Variants in CADM2 observed in about 807,000 individuals in gnomAD.
The protein encoded by CADM2 is cell adhesion molecule 2, also known as immunoglobulin superfamily member 4D.
Under a neutral mutation model 49.8 loss-of-function variants are expected in CADM2, and 12 were observed. The ratio of observed to expected loss-of-function variants is 0.24; its 90% CI spans 0.15 to 0.39. The LOEUF is 0.39. CADM2 is among the 10% of genes least tolerant of loss of function. The probability of loss-of-function intolerance (pLI) is 1.00; values close to 1 mark genes in which losing one functional copy is unlikely to be tolerated. For missense variants in CADM2, 378 were observed against 492.3 expected, an observed-to-expected ratio of 0.77 and a Z score of 2.20; for synonymous variants, 214 against 175.4, an observed-to-expected ratio of 1.22 and a Z score of -1.74.
chr3:85,465,688 G>A (rs905264961), intron 1 of CADM2, among the ~76,000 whole-genome samples: 1 of 152,066 alleles, frequency 6.6e-6, no homozygotes, highest in Non-Finnish European at 1.5e-5. Flanking sequence ...TATCTTTGTT[G>A]TTTTCTACTC....
intron 1 of CADM2, among the ~76,000 whole-genome samples, chr3:85,290,975 C>A (rs1371656096): frequency 6.6e-6 from 1 of 152,082 alleles, no homozygotes; most frequent in East Asian, 1.9e-4. Context: ...AGGCTTCAGA[C>A]GATCAAATTA....
intron 1 of CADM2, among the ~76,000 whole-genome samples, chr3:85,615,206 AAGAGAGAG>A (rs138179330): frequency 6.7e-6 from 1 of 149,672 alleles, no homozygotes; most frequent in African/African-American, 2.4e-5. Flanking sequence ...GTACTACAGA[AAGAGAGAG>A]AGAGAGAGAG....
intron 1 of CADM2, among the ~76,000 whole-genome samples, chr3:85,626,426 G>A (rs62263925): frequency 0.12 from 18,816 of 151,734 alleles, 1,308 homozygotes; most frequent in African/African-American, 0.18. Context: ...CACCCATGAA[G>A]GGTAATTATC....
intron 1 of CADM2, among the ~76,000 whole-genome samples, chr3:85,140,782 G>T (rs2039553254): frequency 1.3e-5 from 2 of 152,172 alleles, no homozygotes; most frequent in Admixed American, 6.5e-5. Flanking sequence ...AAAATGGCTG[G>T]TGCTTCTCAG....
intron 1 of CADM2, among the ~76,000 whole-genome samples, chr3:85,640,243 T>C (rs1559960239): frequency 6.6e-6 from 1 of 152,194 alleles, no homozygotes; most frequent in Non-Finnish European, 1.5e-5. Flanking sequence ...TCAAATCTCG[T>C]TTGTTAATCT....
chr3:85,675,444 A>T lies in CADM2; in HGVS notation c.62-51078A>T, dbSNP rs926270376. ...AATTTTTAAGGAGAAACTTAATGTT[A>T]AAAAAGATCATGAATCAAAGTACTG... On this transcript the variant is annotated intron_variant, in intron 1 of 9. Coordinates refer to ENST00000383699, the MANE Select transcript of CADM2 (RefSeq NM_001167675.2). 1.8e-4 allele frequency among the ~76,000 whole-genome samples: 27 copies of T among 152,186 alleles called. 1 individual carries two copies. Among genetic ancestry groups the T allele is most frequent in the Non-Finnish European group, 3.2e-4 (22 of 68,022 alleles).
intron 1 of CADM2, among the ~76,000 whole-genome samples, chr3:85,663,387 T>C (rs547719439): frequency 3.3e-4 from 50 of 152,092 alleles, no homozygotes; most frequent in Middle Eastern, 3.4e-3. Context: ...TAGATGACCA[T>C]GTTATTCTCT....
chr3:85,628,580 C>CACGTATATATACATATATAT (rs2064198242), intron 1 of CADM2, among the ~76,000 whole-genome samples: 1 of 142,682 alleles, frequency 7.0e-6, no homozygotes, highest in Non-Finnish European at 1.5e-5. Flanking sequence ...TATATACACA[C>CACGTATATATACATATATAT]ACATATATAT....
chr3:84,986,346 G>A (rs1436656153), intron 1 of CADM2, among the ~76,000 whole-genome samples: 1 of 152,094 alleles, frequency 6.6e-6, no homozygotes, highest in Non-Finnish European at 1.5e-5. Context: ...TTAATATATG[G>A]GGGTCATGTC....
At chr3:85,417,895 G>A (rs2035984380) in intron 1 of CADM2, among the ~76,000 whole-genome samples, 1 of 152,098 alleles carries the variant, frequency 6.6e-6, no homozygotes, top group Non-Finnish European at 1.5e-5. Flanking sequence ...GAAGGTCTAT[G>A]ATGGATCTGA....
At chr3:85,324,277 AC>A (rs1269516475) in intron 1 of CADM2, among the ~76,000 whole-genome samples, 1 of 152,312 alleles carries the variant, frequency 6.6e-6, no homozygotes, top group East Asian at 1.9e-4. Context: ...ATATAGGAAT[AC>A]TGAAACTCAA....
intron 8 of CADM2, among the ~76,000 whole-genome samples, chr3:86,001,558 A>G (rs1002005569): frequency 1.3e-5 from 2 of 152,150 alleles, no homozygotes; most frequent in Non-Finnish European, 2.9e-5. Context: ...CAAGGCTTCT[A>G]GAGAGTGATG....
chr3:85,056,813 TAGAC>T lies in CADM2; in HGVS notation c.61+97148_61+97151del, dbSNP rs1199679638. On this transcript the variant is annotated intron_variant, in intron 1 of 9. Transcript: ENST00000383699. ...TAAATGCTTTGGAGGACATTATACT[TAGAC>T]AGGATAGACTTCATATAGACGCTGA... Among the ~76,000 whole-genome samples the T allele has an allele frequency of 8.5e-5, 13 of 152,196 alleles. No homozygotes were observed. In the East Asian group the frequency reaches 1.9e-3, roughly 23 times the overall value.
At chr3:85,496,453 C>T (rs2039902388) in intron 1 of CADM2, among the ~76,000 whole-genome samples, 1 of 152,168 alleles carries the variant, frequency 6.6e-6, no homozygotes, top group African/African-American at 2.4e-5. Flanking sequence ...CTGATGCGAC[C>T]TCACTTTATT....
At chr3:85,188,715 T>C (rs527379480) in intron 1 of CADM2, among the ~76,000 whole-genome samples, 1 of 152,200 alleles carries the variant, frequency 6.6e-6, no homozygotes, top group African/African-American at 2.4e-5. Flanking sequence ...CTTGATATTA[T>C]ATCATTTAAC....
chr3:85,829,276 CT>C (rs201201088), intron 3 of CADM2, among the ~76,000 whole-genome samples: 10 of 150,142 alleles, frequency 6.7e-5, no homozygotes, highest in South Asian at 2.1e-4. Context: ...AACTGATCTG[CT>C]TTTTTTTTGC....
At chr3:85,355,416 G>A (rs920096913) in intron 1 of CADM2, among the ~76,000 whole-genome samples, 1 of 152,084 alleles carries the variant, frequency 6.6e-6, no homozygotes, top group African/African-American at 2.4e-5. Context: ...CCTTGGCTTA[G>A]AGACTTAGGG....
At chr3:85,203,912 C>A (rs905744435) in intron 1 of CADM2, among the ~76,000 whole-genome samples, 23 of 152,156 alleles carry the variant, frequency 1.5e-4, no homozygotes, top group Non-Finnish European at 8.8e-5. Context: ...TTCCTATTTT[C>A]ATTTAATAGC....
At chr3:85,970,014 A>G (rs1284187172) in intron 8 of CADM2, among the ~76,000 whole-genome samples, 1 of 149,336 alleles carries the variant, frequency 6.7e-6, no homozygotes, top group South Asian at 2.1e-4. Context: ...CACACACACA[A>G]ACAGCCTTGA....
Sources: gnomAD v4.1 joint callset for allele counts (sites outside exome capture counted in the v4.1 genomes callset) on GRCh38, gnomAD v4.1.1 for gene constraint, MANE v1.5 for transcripts, NCBI Gene and HGNC (gene_info 2026-07-23, HGNC 2026-07-21) for gene names.